INTS7: variants seen among roughly 807,000 people sequenced by gnomAD.
INTS7 encodes integrator complex subunit 7, also known as chromosome 1 open reading frame 73.
A neutral mutation model predicts 109.2 loss-of-function variants in INTS7; 46 were observed. The observed-to-expected ratio is 0.42, with a 90% confidence interval of 0.33 to 0.54. INTS7 has a LOEUF of 0.54. Among genes scored for constraint, INTS7 ranks in the 20% least tolerant of loss-of-function variants. The probability of loss-of-function intolerance (pLI) is 0.07; values close to 1 mark genes in which losing one functional copy is unlikely to be tolerated. For missense variants in INTS7, 929 were observed against 1,132.4 expected, an observed-to-expected ratio of 0.82 and a Z score of 2.58; for synonymous variants, 412 against 402.9, an observed-to-expected ratio of 1.02 and a Z score of -0.27.
chr1:211,944,170 A>G (rs1175963165), intron 19 of INTS7, among the ~76,000 whole-genome samples: 2 of 152,166 alleles, frequency 1.3e-5, no homozygotes, highest in African/African-American at 4.8e-5. Context: ...GGAGAAAACT[A>G]AATAGATGTG....
chr1:212,010,323 G>T (rs1471092453), intron 5 of INTS7, among the ~76,000 whole-genome samples: 1 of 152,174 alleles, frequency 6.6e-6, no homozygotes, highest in African/African-American at 2.4e-5. Flanking sequence ...CCCTATGGGA[G>T]CTCTTGGGCT....
intron 1 of INTS7, among the ~76,000 whole-genome samples, chr1:212,034,758 T>C (rs190319442): frequency 7.2e-5 from 11 of 152,258 alleles, no homozygotes; most frequent in East Asian, 1.9e-4. Flanking sequence ...ATCAGCGGCA[T>C]TGAAACTTAA....
At chr1:212,010,180 A>G (rs2993533) in intron 5 of INTS7, among the ~76,000 whole-genome samples, 83,123 of 152,086 alleles carry the variant, frequency 0.55, 23,044 homozygotes, top group Middle Eastern at 0.6. Context: ...AGGCTGCCAC[A>G]TTGCACAATT....
At chr1:211,996,850 T>C (rs1665414612) in intron 7 of INTS7, among the ~76,000 whole-genome samples, 1 of 151,508 alleles carries the variant, frequency 6.6e-6, no homozygotes, top group Non-Finnish European at 1.5e-5. Flanking sequence ...AATAGCGAGA[T>C]CTCACCTCTA....
At chr1:211,971,884 C>A (rs6675660) in intron 13 of INTS7, among the ~76,000 whole-genome samples, 44,303 of 141,078 alleles carry the variant, frequency 0.31, 8,376 homozygotes, top group Middle Eastern at 0.46. Context: ...CCACTGCACT[C>A]CAGCCTGGTG....
intron 4 of INTS7, 112 bp downstream of exon 4, chr1:212,016,774 A>T (rs2993531): frequency 2.1e-5 from 17 of 809,138 alleles, no homozygotes; most frequent in Non-Finnish European, 3.0e-5. Flanking sequence ...CACACCTTGT[A>T]ATTTACACTT....
rs768219959 is a variant in INTS7 at position 211,975,318 on chromosome 1, A to G, written c.1663T>C (p.Ser555Pro). The G allele has an allele frequency of 1.2e-6, 2 of 1,614,038 alleles. No individual in the cohort carries two copies. Among genetic ancestry groups the G allele is most frequent in the Non-Finnish European group, 1.7e-6 (2 of 1,179,988 alleles). The change falls in exon 13 of 20, where the codon TCA becomes CCA. Residue 555 changes from serine to proline, a missense_variant. By Grantham distance (74) the Ser-to-Pro change is moderately conservative. This residue lies in a region of INTS7 where 787 missense variants were observed against 901.1 expected (regional missense o/e 0.87). Coordinates refer to ENST00000366994, the MANE Select transcript of INTS7 (RefSeq NM_015434.4). ...TTTAGCCAGAAGTAGAAATGTTCTG[A>G]GGCAACCTGAGTCAGCAAACTCTGA... ...LYQSLLTQVA[S>P]EHFYFWLNSL...
intron 4 of INTS7, among the ~76,000 whole-genome samples, chr1:212,016,141 G>A (rs1291115666): frequency 2.6e-5 from 4 of 152,056 alleles, no homozygotes; most frequent in African/African-American, 4.8e-5. Context: ...TTCTTTTGTT[G>A]TTACAAGTAA....
chr1:211,992,249 T>C, intron 7 of INTS7, among the ~76,000 whole-genome samples: 1 of 152,130 alleles, frequency 6.6e-6, no homozygotes, highest in Non-Finnish European at 1.5e-5. Flanking sequence ...TTCCATATTA[T>C]GTCTCAGATT....
At chr1:211,985,817 C>G (rs1021666238) in intron 8 of INTS7, among the ~76,000 whole-genome samples, 2 of 152,128 alleles carry the variant, frequency 1.3e-5, no homozygotes, top group Non-Finnish European at 2.9e-5. Context: ...AAGCTCTCAT[C>G]TATTATATGA....
At chr1:211,970,862 A>C (rs1373998552) in intron 13 of INTS7, among the ~76,000 whole-genome samples, 1 of 152,236 alleles carries the variant, frequency 6.6e-6, no homozygotes, top group African/African-American at 2.4e-5. Flanking sequence ...AGTCAATTTA[A>C]AGATGCACAT....
rs775369758 is a variant in INTS7 at position 211,987,128 on chromosome 1, C to T, written c.997+758G>A. On this transcript the variant is annotated intron_variant, in intron 8 of 19. Coordinates refer to ENST00000366994, the MANE Select transcript of INTS7 (RefSeq NM_015434.4). ...CTTGGGCTGAATGGTGAAACTCCAT[C>T]TCTACTAAAAATACAAAAATTAGCC... 1.1e-4 allele frequency among the ~76,000 whole-genome samples: 17 copies of T among 152,072 alleles called. 1 individual carries two copies. Among genetic ancestry groups the T allele is most frequent in the South Asian group, 2.1e-4 (1 of 4,824 alleles).
intron 9 of INTS7, 115 bp from the exon 10 acceptor site, chr1:211,981,305 G>A: frequency 1.8e-6 from 1 of 565,800 alleles, no homozygotes; most frequent in Non-Finnish European, 3.1e-6. Context: ...AAGATATAGG[G>A]AATTATTAAA....
intron 15 of INTS7, 25 bp from the exon 16 acceptor site, chr1:211,966,523 C>G (rs372362784): frequency 2.5e-5 from 37 of 1,502,076 alleles, no homozygotes; most frequent in African/African-American, 8.4e-5. Context: ...AGGTTACATA[C>G]GAAAATAGAG....
At chr1:211,989,838 A>AG (rs1665071370) in intron 7 of INTS7, among the ~76,000 whole-genome samples, 1 of 151,698 alleles carries the variant, frequency 6.6e-6, no homozygotes, top group African/African-American at 2.4e-5. Flanking sequence ...AAAAAAAAAA[A>AG]GTTCTTACTA....
intron 1 of INTS7, among the ~76,000 whole-genome samples, chr1:212,022,761 T>A (rs1666764186): frequency 6.6e-6 from 1 of 152,194 alleles, no homozygotes; most frequent in African/African-American, 2.4e-5. Context: ...TTTCTTTTAT[T>A]TTAGATTCAG....
intron 11 of INTS7, among the ~76,000 whole-genome samples, chr1:211,977,217 T>C (rs1168829996): frequency 2.6e-5 from 4 of 152,216 alleles, no homozygotes; most frequent in African/African-American, 9.6e-5. Context: ...AGGGAGGAGA[T>C]GCTATCAGCA....
At chr1:211,964,737 A>C (rs571517930) in intron 16 of INTS7, among the ~76,000 whole-genome samples, 39 of 152,318 alleles carry the variant, frequency 2.6e-4, no homozygotes, top group African/African-American at 8.9e-4. Context: ...TTTCCTGTTC[A>C]ATAGATGGTG....
intron 7 of INTS7, among the ~76,000 whole-genome samples, chr1:212,002,794 C>T (rs894362709): frequency 6.6e-6 from 1 of 152,128 alleles, no homozygotes; most frequent in Non-Finnish European, 1.5e-5. Context: ...CTCTGCCTAG[C>T]GGAAGCAAAT....
Sources: gnomAD v4.1 joint callset for allele counts (sites outside exome capture counted in the v4.1 genomes callset) on GRCh38, gnomAD v4.1.1 for gene constraint, gnomAD v4.1.1 regional missense constraint, MANE v1.5 for transcripts, NCBI Gene and HGNC (gene_info 2026-07-23, HGNC 2026-07-21) for gene names.